ASB14: variants seen among roughly 807,000 people sequenced by gnomAD.
ASB14 encodes the protein ankyrin repeat and SOCS box containing 14.
ASB14 carries 63 observed loss-of-function variants against 55.6 expected under a neutral mutation model. The ratio of observed to expected loss-of-function variants is 1.13; its 90% CI spans 0.92 to 1.40. ASB14 has a LOEUF of 1.40. ASB14 is among the 40% of genes most tolerant of loss of function. The pLI, the probability that ASB14 is intolerant of heterozygous loss-of-function variation, is 0.00. For missense variants in ASB14, 724 were observed against 710.4 expected (o/e 1.02, Z -0.22); for synonymous variants, 256 against 259.9 (o/e 0.98, Z 0.15).
rs555966043 is a variant in ASB14 at position 57,276,663 on chromosome 3, A to G, written c.1651T>C (p.Leu551=). Residue 551 remains leucine (L), a synonymous_variant, in exon 10 of 11, where the codon TTG becomes CTG. Transcript: ENST00000487349. ...AATGACATGAAGACAGGGCAGCGCA[A>G]ATGTAACCGTCCCATGCATTTCCGG... The part of the protein sequence containing the change: ...KIRKCMGRLH[L]RCPVFMSFLP... 1.2e-6 allele frequency: 2 copies of G among 1,614,100 alleles called. No individual in the cohort carries two copies. Among genetic ancestry groups the G allele is most frequent in the Non-Finnish European group, 1.7e-6 (2 of 1,179,962 alleles).
chr3:57,287,131 G>T (rs2061086724), intron 5 of ASB14, among the ~76,000 whole-genome samples: 1 of 152,130 alleles, frequency 6.6e-6, no homozygotes, highest in Non-Finnish European at 1.5e-5. Context: ...TCTATTTGTT[G>T]AAGATTTTCC....
chr3:57,276,802 C>G (rs756387472), intron 9 of ASB14, 74 bp from the exon 10 acceptor site: 48 of 1,369,378 alleles, frequency 3.5e-5, no homozygotes, highest in Non-Finnish European at 4.8e-5. Context: ...TGTTAGCAAA[C>G]GTATTTGATA....
At position 57,288,059 on chromosome 3, in the gene ASB14, G is replaced by A. The variant is rs990081033; in HGVS notation, c.311C>T (p.Ala104Val). 5.9e-6 allele frequency: 9 copies of A among 1,537,014 alleles called. No homozygotes were observed. The African/African-American group carries it at 8.2e-5, about 14-fold the overall frequency. ...NRKILEITLSASDPSLWEQTT... is the reference protein window; with the variant it reads ...NRKILEITLSVSDPSLWEQTT... ...TTGCTCCCACAGACTGGGGTCTGAAGCTGAAATAAATTCATCATACCACAC... is the reference window on the plus strand; with the variant it reads ...TTGCTCCCACAGACTGGGGTCTGAAACTGAAATAAATTCATCATACCACAC... Residue 104 changes from alanine to valine, a missense_variant and splice_region_variant, in exon 5 of 11, where the codon GCT (alanine) becomes GTT (valine). Transcript: ENST00000487349.
At chr3:57,271,799 C>CCAT (rs775973226) in intron 10 of ASB14, 1 of 152,146 alleles carries the variant, frequency 6.6e-6, no homozygotes, top group African/African-American at 2.4e-5. Flanking sequence ...AATAATAAAC[C>CCAT]CATCATCTCC....
intron 5 of ASB14, among the ~76,000 whole-genome samples, chr3:57,287,329 T>C (rs2061088476): frequency 6.6e-6 from 1 of 152,134 alleles, no homozygotes; most frequent in Non-Finnish European, 1.5e-5. Flanking sequence ...GTCAGATTCC[T>C]CCAGAGAACC....
intron 6 of ASB14, 62 bp from the exon 7 acceptor site, chr3:57,280,535 C>A: frequency 3.5e-6 from 5 of 1,440,074 alleles, no homozygotes; most frequent in Non-Finnish European, 4.7e-6. Context: ...CTTGAGCAAT[C>A]TTAAAAATAT....
rs1202000638 is a variant in ASB14, at chr3:57,278,856, C to T, written c.952G>A (p.Val318Ile). Residue 318 changes from valine to isoleucine, a missense_variant, in exon 8 of 11, where the codon GTT becomes ATT. Val to Ile is a conservative substitution (Grantham distance 29, BLOSUM62 3). Coordinates refer to ENST00000487349, the MANE Select transcript of ASB14 (RefSeq NM_001142733.3). ...TGTGCTCCTGCTGCTGCACAGTGAA[C>T]TGGACTGATCCCACTCTGCTTAATG... is the stretch of plus-strand genomic sequence containing the variant. ...AAIKQSGISP[V>I]HCAAAGAHPQ... The T allele has an allele frequency of 2.5e-6, 4 of 1,613,694 alleles. No individual in the cohort carries two copies. Among genetic ancestry groups the T allele is most frequent in the Middle Eastern group, 1.6e-4 (1 of 6,070 alleles).
rs1179104402 is a variant in ASB14, at chr3:57,278,786, T to C, written c.1022A>G (p.Asn341Ser). Residue 341 changes from asparagine to serine, a missense_variant, in exon 8 of 11, where the codon AAC becomes AGC. By Grantham distance (46) the Asn-to-Ser change is conservative. Transcript: ENST00000487349. Reference sequence around the variant, plus strand: ...GTTAATTCTCTGATCCAGCATGAAGTTCACATCAAATCCAGCCTGGATGAG... The same window carrying C: ...GTTAATTCTCTGATCCAGCATGAAGCTCACATCAAATCCAGCCTGGATGAG... ...ELLIQAGFDVNFMLDQRINKH... is the reference protein window; with the variant it reads ...ELLIQAGFDVSFMLDQRINKH... 1 of 1,613,522 alleles carries C rather than the reference T, an allele frequency of 6.2e-7. No individual in the cohort carries two copies. Among genetic ancestry groups the C allele is most frequent in the Admixed American group, 1.7e-5 (1 of 59,938 alleles).
Position 57,288,213 on chromosome 3 carries a change from A to T in ASB14, c.252T>A (p.Ile84=). 6.5e-7 allele frequency: 1 copy of T among 1,536,986 alleles called. No individual in the cohort carries two copies. The highest frequency in any genetic ancestry group is 8.7e-7 in the Non-Finnish European group (1 of 1,146,564). ...AFGEADEIGW[I]PLHKAAVQLN... ...ATTGCACTGCAGCCTTATGCAGAGG[A>T]ATCCAGCCTATCTCATCTGCTTCAC... Residue 84 remains isoleucine, a synonymous_variant, in exon 4 of 11, where the codon ATT becomes ATA. Coordinates refer to ENST00000487349, the MANE Select transcript of ASB14 (RefSeq NM_001142733.3).
intron 9 of ASB14, 64 bp from the exon 10 acceptor site, chr3:57,276,792 T>C (rs1396006399): frequency 6.9e-7 from 1 of 1,456,438 alleles, no homozygotes; most frequent in Non-Finnish European, 9.3e-7. Context: ...CTTAGGGTTT[T>C]GTTAGCAAAC....
intron 5 of ASB14, among the ~76,000 whole-genome samples, chr3:57,283,737 CTTAA>C (rs1348601647): frequency 6.6e-6 from 1 of 151,628 alleles, no homozygotes; most frequent in African/African-American, 2.4e-5. Context: ...AAAATGGGAA[CTTAA>C]TTATTCAGTA....
intron 10 of ASB14, chr3:57,272,933 G>A (rs1913302): frequency 0.67 from 101,884 of 152,302 alleles, 34,485 homozygotes; most frequent in East Asian, 0.92. Flanking sequence ...TTCTGAAACA[G>A]CCTCTTAGCA....
chr3:57,287,038 T>TA (rs2061086025), intron 5 of ASB14, among the ~76,000 whole-genome samples: 1 of 152,270 alleles, frequency 6.6e-6, no homozygotes, highest in African/African-American at 2.4e-5. Flanking sequence ...ATCTTGTTCT[T>TA]ATTAAAATGG....
intron 10 of ASB14, chr3:57,272,168 T>G (rs1484054554): frequency 6.6e-6 from 1 of 152,226 alleles, no homozygotes; most frequent in Non-Finnish European, 1.5e-5. Context: ...GCCTGCCTAC[T>G]TCTACAATGC....
rs1203841856 is a variant in ASB14, at chr3:57,280,460, A to G, written c.729T>C (p.His243=). 4.5e-6 allele frequency: 7 copies of G among 1,550,764 alleles called. No individual in the cohort carries two copies. The highest frequency in any genetic ancestry group is 3.3e-4 in the Middle Eastern group (2 of 6,008). ...EMLLRKGANA[H]GQASDSSSIL... The stretch of plus-strand genomic sequence containing the variant: ...TGGAAGAAGAATCAGAGGCCTGACC[A>G]TGAGCATTAGCTCCTAAGAGGAGAA... The change falls in exon 7 of 11, where the codon CAT becomes CAC. Residue 243 remains histidine (H), a synonymous_variant. Transcript: ENST00000487349.
rs199895188 is a variant in ASB14, at chr3:57,280,399, C to T, written c.790G>A (p.Ala264Thr). The change falls in exon 7 of 11, where the codon GCT (alanine) becomes ACT (threonine). Residue 264 changes from alanine (A) to threonine (T), a missense_variant. By Grantham distance (58) the Ala-to-Thr change is moderately conservative. Transcript: ENST00000487349. ...LEAASGGNPD[A>T]VALLLEYGAD... ...CCATACTCCAGCAAGAGAGCCACAGCATCTGGATTTCCTCCACTTGCGGCT... is the reference window on the plus strand; with the variant it reads ...CCATACTCCAGCAAGAGAGCCACAGTATCTGGATTTCCTCCACTTGCGGCT... 17 of 1,551,480 alleles carry T rather than the reference C, an allele frequency of 1.1e-5. No homozygotes were observed. The highest frequency in any genetic ancestry group is 1.3e-5 in the Non-Finnish European group (15 of 1,146,832).
At chr3:57,269,735 T>C in intron 10 of ASB14, 117 bp from the exon 11 acceptor site, 10 of 1,588,598 alleles carry the variant, frequency 6.3e-6, no homozygotes, top group Non-Finnish European at 7.8e-6. Flanking sequence ...ACAGTTTCTA[T>C]GGTGAAATGG....
Position 57,269,417 on chromosome 3 carries a change from T to C in ASB14, c.*224A>G. On this transcript the variant is annotated 3_prime_UTR_variant, in exon 11 of 11. Coordinates refer to ENST00000487349, the MANE Select transcript of ASB14 (RefSeq NM_001142733.3). ...GGGTGTAGCTTTTCTTTTTATCAAGTTGTCAGAAGTATGCATACATATTTA... is the reference window on the plus strand; with the variant it reads ...GGGTGTAGCTTTTCTTTTTATCAAGCTGTCAGAAGTATGCATACATATTTA... 1.1e-6 allele frequency: 1 copy of C among 895,528 alleles called. No homozygotes were observed. Among genetic ancestry groups the C allele is most frequent in the Non-Finnish European group, 1.6e-6 (1 of 631,644 alleles). The allele number at this position is 895,528 out of a possible 1,614,324, so 55.5% of individuals were successfully genotyped here.
In ASB14 at chr3:57,283,802, A is replaced by G. The variant is rs139253734; in HGVS notation, c.470-363T>C. 4.4e-4 allele frequency among the ~76,000 whole-genome samples: 66 copies of G among 151,372 alleles called. No individual in the cohort carries two copies. The East Asian group carries it at 0.01, about 23-fold the overall frequency. On this transcript the variant is annotated intron_variant, in intron 5 of 10. Coordinates refer to ENST00000487349, the MANE Select transcript of ASB14 (RefSeq NM_001142733.3). ...TTTAAAATAAGAAAAAAAACAAACA[A>G]AAGACAGCCCAGACTCTGAAACATG...
Sources: gnomAD v4.1 joint callset for allele counts (sites outside exome capture counted in the v4.1 genomes callset) on GRCh38, gnomAD v4.1.1 for gene constraint, MANE v1.5 for transcripts, NCBI Gene and HGNC (gene_info 2026-07-23, HGNC 2026-07-21) for gene names.